WDR59: variants seen among roughly 807,000 people sequenced by gnomAD.
The protein encoded by WDR59 is WD repeat domain 59.
Under a neutral mutation model 131.2 loss-of-function variants are expected in WDR59, and 100 were observed. That is an observed-to-expected ratio of 0.76 (90% confidence interval 0.65 to 0.90). The LOEUF (loss-of-function observed/expected upper bound fraction) is 0.90. Among genes scored for constraint, WDR59 ranks in the 40% least tolerant of loss-of-function variants. WDR59 has a pLI of 0.00. For synonymous variants in WDR59, 601 were observed against 466.2 expected (o/e 1.29, Z -3.72); for missense variants, 1,203 against 1,262.2 (o/e 0.95, Z 0.71).
At position 74,983,715 on chromosome 16, in the gene WDR59, C is replaced by G. The variant is rs143871226; in HGVS notation, c.54+1249G>C. Among the ~76,000 whole-genome samples the G allele has an allele frequency of 3.1e-3, 474 of 152,192 alleles. 3 individuals are homozygous for G. The highest frequency in any genetic ancestry group is 0.011 in the African/African-American group (459 of 41,544). On this transcript the variant is annotated intron_variant, in intron 1 of 25. Coordinates refer to ENST00000262144, the MANE Select transcript of WDR59 (RefSeq NM_030581.4). Reference sequence around the variant, plus strand: ...TCGAGGCTGTGCTCAGTGAATCACACCTGTAATCCCAACACTTTGGGACGC... The same window carrying G: ...TCGAGGCTGTGCTCAGTGAATCACAGCTGTAATCCCAACACTTTGGGACGC...
At chr16:74,937,561 G>A (rs2031901676) in intron 8 of WDR59, among the ~76,000 whole-genome samples, 1 of 152,100 alleles carries the variant, frequency 6.6e-6, no homozygotes, top group Admixed American at 6.6e-5. Flanking sequence ...GAGTGCAGTG[G>A]ATCAATCTCA....
intron 4 of WDR59, 97 bp downstream of exon 4, chr16:74,951,361 C>T: frequency 3.3e-6 from 4 of 1,213,732 alleles, no homozygotes; most frequent in Non-Finnish European, 4.8e-6. Flanking sequence ...GCAACACAGA[C>T]AGTCAAGCCA....
intron 8 of WDR59, among the ~76,000 whole-genome samples, chr16:74,931,724 A>G (rs1369330407): frequency 6.6e-6 from 1 of 151,508 alleles, no homozygotes; most frequent in Non-Finnish European, 1.5e-5. Flanking sequence ...AACCTCAAAA[A>G]TTAGCCAGGC....
At chr16:74,949,915 T>A in intron 4 of WDR59, 117 bp from the exon 5 acceptor site, 1 of 910,216 alleles carries the variant, frequency 1.1e-6, no homozygotes, top group Non-Finnish European at 1.8e-6. Flanking sequence ...ACGGGCTTCT[T>A]AATGTGGTTT....
chr16:74,925,430 G>C (rs2030682822), intron 8 of WDR59, among the ~76,000 whole-genome samples: 1 of 151,564 alleles, frequency 6.6e-6, no homozygotes, highest in Non-Finnish European at 1.5e-5. Context: ...TGTAGTCCCA[G>C]CTACTCAGGA....
At chr16:74,944,955 C>T (rs930102793) in intron 6 of WDR59, among the ~76,000 whole-genome samples, 2 of 151,894 alleles carry the variant, frequency 1.3e-5, no homozygotes, top group African/African-American at 2.4e-5. Context: ...GAAACCCCAT[C>T]TCTACTAAAA....
intron 22 of WDR59, 83 bp downstream of exon 22, chr16:74,888,086 C>G: frequency 2.7e-6 from 4 of 1,467,290 alleles, no homozygotes; most frequent in Non-Finnish European, 3.6e-6. Context: ...CCATTGCACT[C>G]CAGCCTGGGC....
rs1339818883 is a variant in WDR59, at chr16:74,909,629, G to A, written c.1514C>T (p.Pro505Leu). 2 of 1,586,452 alleles carry A rather than the reference G, an allele frequency of 1.3e-6. No homozygotes were observed. Among genetic ancestry groups the A allele is most frequent in the South Asian group, 1.2e-5 (1 of 86,238 alleles). Residue 505 changes from proline to leucine, a missense_variant, in exon 16 of 26, where the codon CCG (proline) becomes CTG (leucine). Transcript: ENST00000262144. ...AGTGACAGAGTTGGGGAGTGCAAAC[G>A]GGTTGCTGGAAGCGCTGTCTTCCTG... ...VNQEDSASSN[P>L]FALPNSVTPP...
intron 8 of WDR59, among the ~76,000 whole-genome samples, chr16:74,926,210 C>T (rs551337719): frequency 6.6e-6 from 1 of 152,114 alleles, no homozygotes; most frequent in East Asian, 1.9e-4. Context: ...CAGGCACGCA[C>T]CACCACGCCT....
Position 74,874,415 on chromosome 16 carries a change from T to C in WDR59, c.2719A>G (p.Ser907Gly), listed in dbSNP as rs1290432698. 6.2e-7 allele frequency: 1 copy of C among 1,613,732 alleles called. No individual in the cohort carries two copies. Among genetic ancestry groups the C allele is most frequent in the Non-Finnish European group, 8.5e-7 (1 of 1,179,982 alleles). ...GCACACTGCGTGCCACGGACCTCAC[T>C]CCGGCAGTGGCTGCAGTACACGCCG... ...EFGVYCSHCR[S>G]EVRGTQCAIC... Residue 907 changes from serine to glycine, a missense_variant, in exon 26 of 26, where the codon AGT becomes GGT. Coordinates refer to ENST00000262144, the MANE Select transcript of WDR59 (RefSeq NM_030581.4).
chr16:74,973,665 T>C (rs759331391), intron 1 of WDR59, among the ~76,000 whole-genome samples: 4 of 152,214 alleles, frequency 2.6e-5, no homozygotes, highest in Non-Finnish European at 4.4e-5. Flanking sequence ...CGCTCAGCAA[T>C]AGGGGTGTTG....
At position 74,981,660 on chromosome 16, in the gene WDR59, A is replaced by ATT. The variant is rs1181233727; in HGVS notation, c.54+3302_54+3303dup. 1.2e-3 allele frequency among the ~76,000 whole-genome samples: 93 copies of ATT among 80,858 alleles called. 4 individuals carry two copies. The highest frequency in any genetic ancestry group is 6.4e-3 in the African/African-American group (87 of 13,594). 53.0% of individuals were successfully genotyped at this position (80,858 alleles called of 152,430 possible). ...TATATATATATATATATATATATAT[A>ATT]TTTTTTTTTTTTTTAGATGGAGTCT... On this transcript the variant is annotated intron_variant, in intron 1 of 25. Transcript: ENST00000262144.
intron 24 of WDR59, 118 bp from the exon 25 acceptor site, chr16:74,885,913 C>G: frequency 8.0e-7 from 1 of 1,256,736 alleles, no homozygotes; most frequent in Non-Finnish European, 1.1e-6. Context: ...CGGTGGCTAA[C>G]ACCTGTCACT....
Position 74,892,529 on chromosome 16 carries a change from C to T in WDR59, c.2037G>A (p.Lys679=). The change falls in exon 20 of 26, where the codon AAG becomes AAA. Residue 679 remains lysine, a synonymous_variant. Transcript: ENST00000262144. Reference sequence around the variant, plus strand: ...CAACGAGCAAGGCAGAGGCGGCATTCTTCTGACATGTTTCCTGAATATCAT... The same window carrying T: ...CAACGAGCAAGGCAGAGGCGGCATTTTTCTGACATGTTTCCTGAATATCAT... ...NVNDIQETCQ[K]NAASALLVGR... 2 of 1,613,918 alleles carry T rather than the reference C, an allele frequency of 1.2e-6. No individual in the cohort carries two copies. The highest frequency in any genetic ancestry group is 1.7e-6 in the Non-Finnish European group (2 of 1,179,982).
chr16:74,905,056 T>A (rs1330916172), intron 17 of WDR59, among the ~76,000 whole-genome samples: 1 of 152,264 alleles, frequency 6.6e-6, no homozygotes, highest in Non-Finnish European at 1.5e-5. Flanking sequence ...CTTTCATTTT[T>A]ATTTATTTTT....
chr16:74,908,117 T>A (rs1169662244), intron 17 of WDR59, among the ~76,000 whole-genome samples: 1 of 152,176 alleles, frequency 6.6e-6, no homozygotes. Context: ...GGCTTTTGCG[T>A]TGTAATTTAA....
chr16:74,925,771 A>G (rs184687184), intron 8 of WDR59, among the ~76,000 whole-genome samples: 8 of 152,056 alleles, frequency 5.3e-5, no homozygotes, highest in Non-Finnish European at 7.4e-5. Context: ...GCTCATGCCT[A>G]TAATCTCAGT....
At chr16:74,957,202 T>C (rs1175255258) in intron 2 of WDR59, among the ~76,000 whole-genome samples, 1 of 151,610 alleles carries the variant, frequency 6.6e-6, no homozygotes, top group Non-Finnish European at 1.5e-5. Context: ...TACCTCAGCC[T>C]TCCGGGTAGC....
At chr16:74,941,219 T>C (rs529626330) in intron 7 of WDR59, among the ~76,000 whole-genome samples, 2 of 151,398 alleles carry the variant, frequency 1.3e-5, no homozygotes, top group East Asian at 2.0e-4. Flanking sequence ...CATGTACCTG[T>C]AGTCCCAGTT....
Sources: allele counts gnomAD v4.1 joint callset (sites outside exome capture counted in the v4.1 genomes callset), GRCh38; gene constraint gnomAD v4.1.1; transcripts MANE v1.5; gene names NCBI Gene and HGNC (gene_info 2026-07-23, HGNC 2026-07-21).